Variants in FGF10 observed in about 807,000 individuals in gnomAD.
FGF10 encodes the protein FGF-10.
A neutral mutation model predicts 19.8 loss-of-function variants in FGF10; 2 were observed. That is an observed-to-expected ratio of 0.10 (90% CI 0.04 to 0.32). FGF10 has a LOEUF of 0.32. Among genes scored for constraint, FGF10 ranks in the 10% least tolerant of loss-of-function variants. The pLI, the probability that FGF10 is intolerant of heterozygous loss-of-function variation, is 1.00. For synonymous variants in FGF10, 112 were observed against 94.0 expected, an observed-to-expected ratio of 1.19 and a Z score of -1.10; for missense variants, 191 against 246.3, an observed-to-expected ratio of 0.78 and a Z score of 1.50.
At chr5:44,351,086 G>A (rs1348487418) in intron 1 of FGF10, among the ~76,000 whole-genome samples, 1 of 151,344 alleles carries the variant, frequency 6.6e-6, no homozygotes, top group Admixed American at 6.6e-5. Context: ...ATTAAGTTTA[G>A]CCCGCATTAA....
At position 44,343,677 on chromosome 5, in the gene FGF10, T is replaced by C. The variant is rs376337948; in HGVS notation, c.326-33147A>G. On this transcript the variant is annotated intron_variant, in intron 1 of 2. Transcript: ENST00000264664. ...CTTGCTTATCTCCCTTTCCAACAAA[T>C]GAAATCTGAGGCCTCAGACTTAGAT... Among the ~76,000 whole-genome samples the C allele has an allele frequency of 2.6e-4, 39 of 152,090 alleles. No individual in the cohort carries two copies. The East Asian group carries it at 3.7e-3, about 14-fold the overall frequency.
intron 1 of FGF10, among the ~76,000 whole-genome samples, chr5:44,362,298 G>C (rs760935873): frequency 5.3e-4 from 81 of 151,710 alleles, no homozygotes; most frequent in Non-Finnish European, 8.9e-4. Context: ...CTTTGCTAAA[G>C]AGATTCCTTC....
intron 1 of FGF10, among the ~76,000 whole-genome samples, chr5:44,316,740 G>C (rs1043756963): frequency 1.3e-5 from 2 of 152,136 alleles, no homozygotes; most frequent in Non-Finnish European, 2.9e-5. Context: ...TTTTTGAACA[G>C]GTATGGGATT....
chr5:44,370,816 A>T (rs989665796), intron 1 of FGF10, among the ~76,000 whole-genome samples: 1 of 152,142 alleles, frequency 6.6e-6, no homozygotes, highest in Non-Finnish European at 1.5e-5. Context: ...GTAAACAAAG[A>T]TGTTAATAAA....
rs147432179 is a variant in FGF10, at chr5:44,365,935, G to A, written c.325+22423C>T. Reference sequence around the variant, plus strand: ...AAAATAATATAGTTGGGGCACCACTGACCACAGTTGGAAAATTTCTGGGCG... The same window carrying A: ...AAAATAATATAGTTGGGGCACCACTAACCACAGTTGGAAAATTTCTGGGCG... On this transcript the variant is annotated intron_variant, in intron 1 of 2. Coordinates refer to ENST00000264664, the MANE Select transcript of FGF10 (RefSeq NM_004465.2). Among the ~76,000 whole-genome samples the A allele has an allele frequency of 3.2e-3, 484 of 151,888 alleles. 2 individuals carry two copies. The highest frequency in any genetic ancestry group is 5.7e-3 in the Non-Finnish European group (387 of 67,882).
At chr5:44,326,105 G>T (rs1561202214) in intron 1 of FGF10, among the ~76,000 whole-genome samples, 1 of 152,030 alleles carries the variant, frequency 6.6e-6, no homozygotes, top group African/African-American at 2.4e-5. Flanking sequence ...CCCTTAAAAA[G>T]CTTGAGAAAC....
intron 2 of FGF10, among the ~76,000 whole-genome samples, 197 bp downstream of exon 2, chr5:44,310,230 A>G (rs540573060): frequency 6.6e-6 from 1 of 152,104 alleles, no homozygotes; most frequent in Non-Finnish European, 1.5e-5. Flanking sequence ...TGGTAGACTA[A>G]TGGGTGAACA....
chr5:44,344,613 T>G (rs1448045170), intron 1 of FGF10, among the ~76,000 whole-genome samples: 1 of 146,900 alleles, frequency 6.8e-6, no homozygotes, highest in Admixed American at 6.9e-5. Context: ...TTAAACCAAC[T>G]CTCTGACCCA....
intron 1 of FGF10, among the ~76,000 whole-genome samples, chr5:44,332,967 A>C (rs1429135528): frequency 6.6e-6 from 1 of 152,104 alleles, no homozygotes; most frequent in Non-Finnish European, 1.5e-5. Context: ...AAAACTACAT[A>C]GTTCTTGATC....
rs1472530767 is a variant in FGF10, at chr5:44,358,838, C to G, written c.325+29520G>C. Among the ~76,000 whole-genome samples the G allele has an allele frequency of 4.0e-5, 6 of 151,472 alleles. No individual in the cohort carries two copies. The East Asian group carries it at 9.7e-4, about 25-fold the overall frequency. Reference sequence around the variant, plus strand: ...ATGGTACATGCTCTACTCATGACAACATAAAAAGTCAGTACATTGTATCTA... The same window carrying G: ...ATGGTACATGCTCTACTCATGACAAGATAAAAAGTCAGTACATTGTATCTA... On this transcript the variant is annotated intron_variant, in intron 1 of 2. Coordinates refer to ENST00000264664, the MANE Select transcript of FGF10 (RefSeq NM_004465.2).
intron 1 of FGF10, among the ~76,000 whole-genome samples, chr5:44,379,948 G>A (rs910098684): frequency 2.0e-5 from 3 of 151,980 alleles, no homozygotes; most frequent in South Asian, 2.1e-4. Context: ...CTTCCTGGAC[G>A]TCAGCATATT....
chr5:44,343,959 C>T (rs920211895), intron 1 of FGF10, among the ~76,000 whole-genome samples: 1 of 151,946 alleles, frequency 6.6e-6, no homozygotes, highest in African/African-American at 2.4e-5. Context: ...ATGTGAATGA[C>T]TGGTGTTGAG....
intron 1 of FGF10, among the ~76,000 whole-genome samples, chr5:44,333,462 A>C (rs1386127260): frequency 6.6e-6 from 1 of 152,208 alleles, no homozygotes; most frequent in African/African-American, 2.4e-5. Context: ...CAACTATGTT[A>C]AAGTATAACA....
intron 1 of FGF10, among the ~76,000 whole-genome samples, chr5:44,371,123 G>C (rs1264784901): frequency 6.6e-6 from 1 of 152,086 alleles, no homozygotes; most frequent in Non-Finnish European, 1.5e-5. Context: ...GTTCATGAAT[G>C]CTCTGCCCTC....
chr5:44,328,902 T>C (rs1355008500), intron 1 of FGF10, among the ~76,000 whole-genome samples: 2 of 152,034 alleles, frequency 1.3e-5, no homozygotes, highest in Admixed American at 6.6e-5. Context: ...GGAAGCTGAG[T>C]TGGGAGGATG....
At chr5:44,371,527 G>A (rs1048293581) in intron 1 of FGF10, among the ~76,000 whole-genome samples, 17 of 152,084 alleles carry the variant, frequency 1.1e-4, no homozygotes, top group African/African-American at 3.1e-4. Flanking sequence ...TTGGTTTAGC[G>A]CCTATCTTCA....
At chr5:44,364,064 C>T (rs1741550571) in intron 1 of FGF10, among the ~76,000 whole-genome samples, 1 of 151,810 alleles carries the variant, frequency 6.6e-6, no homozygotes, top group Non-Finnish European at 1.5e-5. Context: ...TCCTGGCTAT[C>T]CACCAAGGCT....
At chr5:44,339,371 G>A (rs920577532) in intron 1 of FGF10, among the ~76,000 whole-genome samples, 2 of 152,026 alleles carry the variant, frequency 1.3e-5, no homozygotes, top group African/African-American at 4.8e-5. Context: ...TAGAAATTAT[G>A]ATAATTGTTC....
intron 1 of FGF10, among the ~76,000 whole-genome samples, chr5:44,337,832 A>C (rs554250070): frequency 6.6e-6 from 1 of 152,050 alleles, no homozygotes; most frequent in African/African-American, 2.4e-5. Flanking sequence ...TCCCAGCTAC[A>C]TGGGAGGCTG....
Sources: allele counts gnomAD v4.1 joint callset (sites outside exome capture counted in the v4.1 genomes callset), GRCh38; gene constraint gnomAD v4.1.1; transcripts MANE v1.5; gene names NCBI Gene and HGNC (gene_info 2026-07-23, HGNC 2026-07-21).